The following GALNT13 variants were observed in gnomAD, a reference collection of about 807,000 sequenced individuals.
GALNT13 encodes the protein polypeptide N-acetylgalactosaminyltransferase 13.
In GALNT13, 28 loss-of-function variants were observed where a neutral mutation model predicts 64.2. That is an observed-to-expected ratio of 0.44 (90% confidence interval 0.32 to 0.60). The LOEUF (loss-of-function observed/expected upper bound fraction) is 0.60. Ranked by LOEUF, GALNT13 falls within the 20% of genes least tolerant of loss-of-function variation. The pLI is 0.05. For synonymous variants in GALNT13, 214 were observed against 224.6 expected (o/e 0.95, Z 0.42); for missense variants, 577 against 669.8 (o/e 0.86, Z 1.53).
At chr2:153,613,015 C>G in the GALNT13 span, among the ~76,000 whole-genome samples, 1 of 152,110 alleles carries the variant, frequency 6.6e-6, no homozygotes, top group Non-Finnish European at 1.5e-5. Flanking sequence ...TGCCAAATAA[C>G]TATCCTGGAC....
chr2:153,081,271 T>G, the GALNT13 span, among the ~76,000 whole-genome samples: 30 of 152,152 alleles, frequency 2.0e-4, no homozygotes, highest in Non-Finnish European at 3.4e-4. Context: ...ATGGTGTGCA[T>G]GAGATGTTTT....
At chr2:153,974,787 C>A (rs1480300459) in intron 3 of GALNT13, among the ~76,000 whole-genome samples, 1 of 151,984 alleles carries the variant, frequency 6.6e-6, no homozygotes, top group Non-Finnish European at 1.5e-5. Context: ...TAGACTAATT[C>A]AAGCTTCCTA....
the GALNT13 span, among the ~76,000 whole-genome samples, chr2:153,681,719 C>T: frequency 6.6e-6 from 1 of 151,712 alleles, no homozygotes; most frequent in East Asian, 1.9e-4. Context: ...TGTTTAAAAA[C>T]ACTCTTTTTT....
chr2:154,392,973 G>C (rs1698866602), intron 9 of GALNT13, among the ~76,000 whole-genome samples: 1 of 152,152 alleles, frequency 6.6e-6, no homozygotes, highest in African/African-American at 2.4e-5. Flanking sequence ...ATATGTGCGA[G>C]AGAAAGAAAA....
chr2:153,380,304 A>AGAT, the GALNT13 span, among the ~76,000 whole-genome samples: 1 of 152,118 alleles, frequency 6.6e-6, no homozygotes, highest in African/African-American at 2.4e-5. Flanking sequence ...AGTAATCTAG[A>AGAT]GATTATTTAA....
chr2:154,029,315 C>T (rs1008045705), intron 3 of GALNT13, among the ~76,000 whole-genome samples: 2 of 151,786 alleles, frequency 1.3e-5, no homozygotes, highest in African/African-American at 4.8e-5. Context: ...TCTCCCCTTC[C>T]CCCTACAGAA....
At chr2:154,095,468 A>G (rs943704635) in intron 3 of GALNT13, among the ~76,000 whole-genome samples, 14 of 151,948 alleles carry the variant, frequency 9.2e-5, no homozygotes, top group South Asian at 4.1e-4. Flanking sequence ...CAAGGGATCT[A>G]TGGAACAAAG....
At chr2:153,900,017 C>T (rs1461401142) in intron 1 of GALNT13, among the ~76,000 whole-genome samples, 1 of 147,486 alleles carries the variant, frequency 6.8e-6, no homozygotes, top group Non-Finnish European at 1.5e-5. Context: ...CTCACTGCAA[C>T]CTCCGCCTCC....
At chr2:153,812,802 C>G in the GALNT13 span, among the ~76,000 whole-genome samples, 4 of 152,300 alleles carry the variant, frequency 2.6e-5, no homozygotes, top group African/African-American at 9.6e-5. Context: ...GCATAAATAT[C>G]CTGCTTTCCC....
the GALNT13 span, among the ~76,000 whole-genome samples, chr2:153,218,798 T>C: frequency 6.6e-6 from 1 of 152,366 alleles, no homozygotes; most frequent in Admixed American, 6.5e-5. Context: ...CTGAATTCAC[T>C]TAGTCTTCCT....
intron 3 of GALNT13, among the ~76,000 whole-genome samples, chr2:154,116,598 T>C (rs1681579120): frequency 6.6e-6 from 1 of 152,168 alleles, no homozygotes; most frequent in African/African-American, 2.4e-5. Context: ...GTCAAAGATA[T>C]TATGTGCAGA....
At chr2:154,240,685 A>G (rs1209823044) in intron 4 of GALNT13, among the ~76,000 whole-genome samples, 3 of 152,040 alleles carry the variant, frequency 2.0e-5, no homozygotes, top group African/African-American at 7.2e-5. Flanking sequence ...TGCTCTTTTA[A>G]TTTTGCCATC....
the GALNT13 span, among the ~76,000 whole-genome samples, chr2:153,847,764 G>T: frequency 6.6e-6 from 1 of 152,184 alleles, no homozygotes. Flanking sequence ...TTCTAAGTTG[G>T]TTTCTTCCAG....
the GALNT13 span, among the ~76,000 whole-genome samples, chr2:153,076,465 A>G: frequency 6.6e-6 from 1 of 152,162 alleles, no homozygotes; most frequent in Non-Finnish European, 1.5e-5. Flanking sequence ...TTTCTGTGGA[A>G]TTTATCAGTC....
chr2:154,139,752 C>A (rs1208953385), intron 3 of GALNT13, among the ~76,000 whole-genome samples: 1 of 151,938 alleles, frequency 6.6e-6, no homozygotes, highest in Non-Finnish European at 1.5e-5. Context: ...ATCCTGCGTT[C>A]TCTTCACGAA....
the GALNT13 span, among the ~76,000 whole-genome samples, chr2:153,467,523 C>T: frequency 6.6e-6 from 1 of 152,052 alleles, no homozygotes; most frequent in South Asian, 2.1e-4. Flanking sequence ...TCTAGATTTA[C>T]ATCTTTAATC....
intron 9 of GALNT13, among the ~76,000 whole-genome samples, chr2:154,352,242 A>G (rs898057349): frequency 6.6e-6 from 1 of 152,180 alleles, no homozygotes; most frequent in Admixed American, 6.5e-5. Flanking sequence ...CTGTGCACTA[A>G]TAATAAAGCT....
At chr2:153,608,415 T>A in the GALNT13 span, among the ~76,000 whole-genome samples, 2 of 152,190 alleles carry the variant, frequency 1.3e-5, no homozygotes, top group South Asian at 4.1e-4. Context: ...AGGTAGAAGA[T>A]TAAAAAGAGA....
At chr2:153,097,405 G>T in the GALNT13 span, among the ~76,000 whole-genome samples, 1 of 152,098 alleles carries the variant, frequency 6.6e-6, no homozygotes, top group Non-Finnish European at 1.5e-5. Context: ...TGGGATGATT[G>T]ATGGAGCTTT....
Sources: gnomAD v4.1 joint callset for allele counts (sites outside exome capture counted in the v4.1 genomes callset) on GRCh38, gnomAD v4.1.1 for gene constraint, MANE v1.5 for transcripts, NCBI Gene and HGNC (gene_info 2026-07-23, HGNC 2026-07-21) for gene names.